UBASH3A: variants seen among roughly 807,000 people sequenced by gnomAD.
UBASH3A encodes the protein ubiquitin associated and SH3 domain containing A, also known as ubiquitin-associated and SH3 domain-containing protein A.
Under a neutral mutation model 73.5 loss-of-function variants are expected in UBASH3A, and 63 were observed. The ratio of observed to expected loss-of-function variants is 0.86; its 90% CI spans 0.70 to 1.06. The LOEUF is 1.06. Among genes scored for constraint, UBASH3A ranks in the 50% least tolerant of loss-of-function variants. The pLI, the probability that UBASH3A is intolerant of heterozygous loss-of-function variation, is 0.00. For synonymous variants in UBASH3A, 363 were observed against 351.1 expected (o/e 1.03, Z -0.38); for missense variants, 860 against 859.0 (o/e 1.00, Z -0.02).
chr21:42,435,048 C>T, intron 10 of UBASH3A, 94 bp downstream of exon 10: 1 of 1,471,196 alleles, frequency 6.8e-7, no homozygotes, highest in Non-Finnish European at 9.3e-7. Context: ...GCTACACACC[C>T]TTTGATACAG....
In UBASH3A at chr21:42,413,339, C is replaced by T. The variant is rs2053139971; in HGVS notation, c.554-71C>T. 6 of 1,542,154 alleles carry T rather than the reference C, an allele frequency of 3.9e-6. No individual in the cohort carries two copies. The South Asian group carries it at 5.8e-5, about 15-fold the overall frequency. ...GTGGGTGGGTTCCAGGGGAGCAGAG[C>T]CCAGCAGCAATGGTGGGATGGCTGG... On this transcript the variant is annotated intron_variant, in intron 4 of 14. Coordinates refer to ENST00000319294, the MANE Select transcript of UBASH3A (RefSeq NM_018961.4). This position sits in a 1 kb window ranked among gnomAD's most constrained non-coding sequence, Gnocchi z 4.5.
At chr21:42,416,174 T>C (rs1342530198) in intron 5 of UBASH3A, among the ~76,000 whole-genome samples, 2 of 152,166 alleles carry the variant, frequency 1.3e-5, no homozygotes, top group East Asian at 3.8e-4. Context: ...GTTTACTCTG[T>C]GCATCTGAAT....
Position 42,442,433 on chromosome 21 carries a change from T to G in UBASH3A, c.1487-19T>G. On this transcript the variant is annotated intron_variant, in intron 11 of 14. Coordinates refer to ENST00000319294, the MANE Select transcript of UBASH3A (RefSeq NM_018961.4). ...GTGGATGTTGAGGATGATAAACACT[T>G]GTATTCTGTTGAATCCAGAACTCAA... 1.2e-6 allele frequency: 2 copies of G among 1,612,626 alleles called. No individual in the cohort carries two copies. Among genetic ancestry groups the G allele is most frequent in the South Asian group, 2.2e-5 (2 of 90,688 alleles).
rs781500331 is a variant in UBASH3A, at chr21:42,447,102, G to A, written c.1894G>A (p.Gly632Arg). ...MCFCEENKEE[G>R]KWELVNPPVK... ...CTTCTGTGAAGAAAATAAAGAGGAA[G>A]GAAAATGGGAGTTGGTGAACCCACC... Residue 632 changes from glycine (G) to arginine (R), a missense_variant, in exon 15 of 15, where the codon GGA (glycine) becomes AGA (arginine). Transcript: ENST00000319294. 11 of 1,613,952 alleles carry A rather than the reference G, an allele frequency of 6.8e-6. No homozygotes were observed. The highest frequency in any genetic ancestry group is 9.3e-6 in the Non-Finnish European group (11 of 1,179,984).
intron 14 of UBASH3A, among the ~76,000 whole-genome samples, chr21:42,446,085 G>A (rs2053839628): frequency 6.6e-6 from 1 of 152,132 alleles, no homozygotes; most frequent in Non-Finnish European, 1.5e-5. Flanking sequence ...TGGCAGCACT[G>A]CACACACCAG....
At chr21:42,429,024 G>A (rs941035371) in intron 8 of UBASH3A, among the ~76,000 whole-genome samples, 3 of 152,186 alleles carry the variant, frequency 2.0e-5, no homozygotes, top group Non-Finnish European at 2.9e-5. Context: ...GGTCATCCAG[G>A]AGGGCCCTAA....
intron 10 of UBASH3A, among the ~76,000 whole-genome samples, chr21:42,435,687 T>C (rs2146585016): frequency 6.6e-6 from 1 of 152,030 alleles, no homozygotes; most frequent in East Asian, 1.9e-4. Flanking sequence ...GTTATAGAGT[T>C]ATAGAGTTGT....
intron 13 of UBASH3A, among the ~76,000 whole-genome samples, chr21:42,443,740 C>G (rs889702700): frequency 2.0e-5 from 3 of 150,322 alleles, no homozygotes; most frequent in African/African-American, 7.4e-5. Context: ...GCCCGCCCCC[C>G]ACCATTCTCC....
intron 8 of UBASH3A, among the ~76,000 whole-genome samples, chr21:42,430,839 G>T (rs1305180012): frequency 6.6e-6 from 1 of 152,198 alleles, no homozygotes; most frequent in African/African-American, 2.4e-5. Flanking sequence ...TGAGTCCTGG[G>T]TGCCAGAGGG....
chr21:42,416,628 G>C lies in UBASH3A; in HGVS notation c.837+17G>C, dbSNP rs896057091. On this transcript the variant is annotated intron_variant, in intron 6 of 14. Coordinates refer to ENST00000319294, the MANE Select transcript of UBASH3A (RefSeq NM_018961.4). ...CACTACCAGGTGAGAGAGCTGAGCAGGGGCTCATAAGAAGCAGATGAATGG... is the reference window on the plus strand; with the variant it reads ...CACTACCAGGTGAGAGAGCTGAGCACGGGCTCATAAGAAGCAGATGAATGG... The C allele has an allele frequency of 1.3e-6, 2 of 1,531,184 alleles. No homozygotes were observed. The highest frequency in any genetic ancestry group is 5.1e-5 in the East Asian group (2 of 38,954). The allele number at this position is 1,531,184 out of a possible 1,614,324, so 94.8% of individuals were successfully genotyped here. A position where few individuals can be genotyped will look rare whatever the true frequency, so the allele number is the denominator to read the frequency against.
intron 13 of UBASH3A, among the ~76,000 whole-genome samples, chr21:42,443,736 C>T (rs961588759): frequency 6.6e-6 from 1 of 150,728 alleles, no homozygotes; most frequent in African/African-American, 2.4e-5. Flanking sequence ...CCCTGCCCGC[C>T]CCCCACCATT....
intron 3 of UBASH3A, among the ~76,000 whole-genome samples, chr21:42,411,399 GACATGCACAT>G (rs1447300364): frequency 4.6e-5 from 7 of 150,688 alleles, no homozygotes; most frequent in Admixed American, 2.0e-4. Context: ...CACAAACACA[GACATGCACAT>G]ACATGCACAT....
At chr21:42,416,799 G>A (rs896079094) in intron 6 of UBASH3A, among the ~76,000 whole-genome samples, 188 bp downstream of exon 6, 2 of 152,182 alleles carry the variant, frequency 1.3e-5, no homozygotes, top group African/African-American at 2.4e-5. Flanking sequence ...CAGGCACGGC[G>A]GCGGGCACCT....
rs570757376 is a variant in UBASH3A, at chr21:42,437,596, G to T, written c.1486+16G>T. 2 of 1,610,336 alleles carry T rather than the reference G, an allele frequency of 1.2e-6. No homozygotes were observed. Among genetic ancestry groups the T allele is most frequent in the Admixed American group, 1.7e-5 (1 of 60,004 alleles). On this transcript the variant is annotated intron_variant, in intron 11 of 14. Coordinates refer to ENST00000319294, the MANE Select transcript of UBASH3A (RefSeq NM_018961.4). Reference sequence around the variant, plus strand: ...ATCCTGGAAGGTCAGTGAGAACCTCGGTGAGCCTCTCCTACTGCCTTGACC... The same window carrying T: ...ATCCTGGAAGGTCAGTGAGAACCTCTGTGAGCCTCTCCTACTGCCTTGACC...
chr21:42,431,868 T>G (rs17767290), intron 8 of UBASH3A, among the ~76,000 whole-genome samples: 4,172 of 152,360 alleles, frequency 0.027, 79 homozygotes, highest in Non-Finnish European at 0.039. Flanking sequence ...CTGTCTCTTT[T>G]CATTTTCTTG....
In UBASH3A at chr21:42,413,619, A is replaced by G; in HGVS notation, c.667+96A>G. On this transcript the variant is annotated intron_variant, in intron 5 of 14. Coordinates refer to ENST00000319294, the MANE Select transcript of UBASH3A (RefSeq NM_018961.4). The surrounding 1 kb of genome is among the most constrained non-coding windows in gnomAD (Gnocchi z 4.5). ...TGTGGTTTTTAAAATGCTTAGCTAT[A>G]TGCCAACAGCCTGGGAAAGTGCCCC... is the stretch of plus-strand genomic sequence containing the variant. 1 of 912,278 alleles carries G rather than the reference A, an allele frequency of 1.1e-6. No individual in the cohort carries two copies. The highest frequency in any genetic ancestry group is 1.7e-6 in the Non-Finnish European group (1 of 601,464). 56.5% of individuals were successfully genotyped at this position (912,278 alleles called of 1,614,324 possible).
chr21:42,411,212 G>T (rs2053087183), intron 3 of UBASH3A, among the ~76,000 whole-genome samples: 1 of 149,522 alleles, frequency 6.7e-6, no homozygotes, highest in South Asian at 2.1e-4. Flanking sequence ...ATATATACAT[G>T]CATACATGGA....
Position 42,413,349 on chromosome 21 carries a change from A to G in UBASH3A, c.554-61A>G. ...TCCAGGGGAGCAGAGCCCAGCAGCA[A>G]TGGTGGGATGGCTGGGTGGGCTTTC... On this transcript the variant is annotated intron_variant, in intron 4 of 14. Coordinates refer to ENST00000319294, the MANE Select transcript of UBASH3A (RefSeq NM_018961.4). This position sits in a 1 kb window ranked among gnomAD's most constrained non-coding sequence, Gnocchi z 4.5. The G allele has an allele frequency of 6.5e-7, 1 of 1,532,076 alleles. No homozygotes were observed. Among genetic ancestry groups the G allele is most frequent in the African/African-American group, 1.4e-5 (1 of 73,414 alleles). The allele number at this position is 1,532,076 out of a possible 1,614,324, so 94.9% of individuals were successfully genotyped here. A position where few individuals can be genotyped will look rare whatever the true frequency, so the allele number is the denominator to read the frequency against.
intron 11 of UBASH3A, among the ~76,000 whole-genome samples, chr21:42,438,984 G>T: frequency 6.6e-6 from 1 of 152,264 alleles, no homozygotes; most frequent in Middle Eastern, 3.4e-3. Flanking sequence ...ACCTTCACAG[G>T]AGGAGCCGTT....
Sources: allele counts gnomAD v4.1 joint callset (sites outside exome capture counted in the v4.1 genomes callset), GRCh38; gene constraint gnomAD v4.1.1; non-coding constraint Gnocchi (gnomAD v3.1); transcripts MANE v1.5; gene names NCBI Gene and HGNC (gene_info 2026-07-23, HGNC 2026-07-21).